The following NRCAM variants were observed in gnomAD, a reference collection of about 807,000 sequenced individuals.
The protein encoded by NRCAM is NgCAM-related cell adhesion molecule.
NRCAM carries 83 observed loss-of-function variants against 156.5 expected under a neutral mutation model. That is an observed-to-expected ratio of 0.53 (90% CI 0.44 to 0.64). The LOEUF is 0.64. Ranked by LOEUF, NRCAM falls within the 30% of genes least tolerant of loss-of-function variation. The pLI is 0.00. For missense variants in NRCAM, 1,417 were observed against 1,597.3 expected, an observed-to-expected ratio of 0.89 and a Z score of 1.92; for synonymous variants, 538 against 563.9, an observed-to-expected ratio of 0.95 and a Z score of 0.65.
chr7:108,239,909 TG>T, intron 4 of NRCAM, 49 bp downstream of exon 4: 2 of 1,115,254 alleles, frequency 1.8e-6, no homozygotes, highest in Non-Finnish European at 1.4e-6. Context: ...TGATAAATGC[TG>T]GGAGGCTTTG....
intron 1 of NRCAM, among the ~76,000 whole-genome samples, chr7:108,415,544 T>C (rs1479675556): frequency 6.6e-6 from 1 of 152,146 alleles, no homozygotes; most frequent in East Asian, 1.9e-4. Flanking sequence ...TAATAAATGC[T>C]TCTTGATTAA....
At chr7:108,197,433 G>T (rs1385318631) in intron 14 of NRCAM, among the ~76,000 whole-genome samples, 3 of 152,140 alleles carry the variant, frequency 2.0e-5, no homozygotes, top group South Asian at 4.1e-4. Context: ...TGGTAGTTTT[G>T]TCCAATATAA....
intron 28 of NRCAM, among the ~76,000 whole-genome samples, chr7:108,171,560 C>G (rs1194680425): frequency 6.6e-6 from 1 of 152,056 alleles, no homozygotes; most frequent in East Asian, 1.9e-4. Context: ...AAAAATAAAA[C>G]AAAAACTGGG....
rs2061626185 is a variant in NRCAM, at chr7:108,178,069, C to T, written c.2895G>A (p.Leu965=). Residue 965 remains leucine (L), a synonymous_variant, in exon 26 of 33, where the codon CTG becomes CTA. Coordinates refer to ENST00000379028, the MANE Select transcript of NRCAM (RefSeq NM_001037132.4). The part of the protein sequence containing the change: ...PSSLKIVNPT[L]DSLTLEWDPP... ...GATCCCATTCCAAAGTGAGAGAGTC[C>T]AGTGTTGGATTCACAATCTTCAAAG... is the stretch of plus-strand genomic sequence containing the variant. 6.2e-7 allele frequency: 1 copy of T among 1,613,498 alleles called. No homozygotes were observed. Among genetic ancestry groups the T allele is most frequent in the Non-Finnish European group, 8.5e-7 (1 of 1,179,626 alleles).
Position 108,209,548 on chromosome 7 carries a change from T to C in NRCAM, c.948A>G (p.Thr316=), listed in dbSNP as rs777765416. The C allele has an allele frequency of 2.5e-6, 4 of 1,612,688 alleles. No individual in the cohort carries two copies. The highest frequency in any genetic ancestry group is 2.7e-5 in the African/African-American group (2 of 75,014). The change falls in exon 12 of 33, where the codon ACA becomes ACG. Residue 316 remains threonine, a synonymous_variant. Transcript: ENST00000379028. The stretch of plus-strand genomic sequence containing the variant: ...AGGTTTTCTCAAAGTTCTTATAAAC[T>C]GTCCTGTTTTTGGGTAGCATTCCAT... The part of the protein sequence containing the change: ...KEDGMLPKNR[T]VYKNFEKTLQ...
At chr7:108,161,345 T>C (rs2048819379) in intron 30 of NRCAM, among the ~76,000 whole-genome samples, 1 of 152,228 alleles carries the variant, frequency 6.6e-6, no homozygotes, top group African/African-American at 2.4e-5. Context: ...TCAGTCATAA[T>C]ATGCAAAATT....
At chr7:108,402,957 G>A (rs1405994463) in intron 1 of NRCAM, among the ~76,000 whole-genome samples, 2 of 152,136 alleles carry the variant, frequency 1.3e-5, no homozygotes, top group African/African-American at 2.4e-5. Flanking sequence ...CCATACGAGA[G>A]AGCATGTGAA....
chr7:108,349,976 C>T (rs922692541), intron 2 of NRCAM, among the ~76,000 whole-genome samples: 2 of 152,208 alleles, frequency 1.3e-5, no homozygotes, highest in Non-Finnish European at 2.9e-5. Context: ...CATTCCCTAC[C>T]TTTCCTCACA....
At chr7:108,388,310 T>C (rs554455532) in intron 2 of NRCAM, among the ~76,000 whole-genome samples, 1 of 152,332 alleles carries the variant, frequency 6.6e-6, no homozygotes, top group Admixed American at 6.5e-5. Flanking sequence ...TGATGGCCAG[T>C]GATGATGAGC....
At chr7:108,435,693 T>C (rs532895250) in intron 1 of NRCAM, among the ~76,000 whole-genome samples, 1 of 152,278 alleles carries the variant, frequency 6.6e-6, no homozygotes, top group East Asian at 1.9e-4. Context: ...AACAAACCCC[T>C]GTGACACGAC....
At chr7:108,409,515 T>C (rs1198427693) in intron 1 of NRCAM, among the ~76,000 whole-genome samples, 1 of 152,190 alleles carries the variant, frequency 6.6e-6, no homozygotes. Context: ...CACTCTTCAA[T>C]TCCATTTTCA....
At chr7:108,401,737 A>C (rs988811914) in intron 1 of NRCAM, among the ~76,000 whole-genome samples, 1 of 152,144 alleles carries the variant, frequency 6.6e-6, no homozygotes. Flanking sequence ...ATGGACCTCG[A>C]ATTTTAGAAT....
Position 108,339,787 on chromosome 7 carries a change from A to G in NRCAM, c.-173-27056T>C, listed in dbSNP as rs2099254146. Among the ~76,000 whole-genome samples the G allele has an allele frequency of 2.0e-5, 3 of 151,928 alleles. 1 individual carries two copies. In the South Asian group the frequency reaches 6.3e-4, roughly 32 times the overall value. On this transcript the variant is annotated intron_variant, in intron 2 of 32. Transcript: ENST00000379028. Reference sequence around the variant, plus strand: ...AATGACTAGAGGTGCTGGCATCCCTATGTTCTTTTTTCAGATGGGAAATGT... The same window carrying G: ...AATGACTAGAGGTGCTGGCATCCCTGTGTTCTTTTTTCAGATGGGAAATGT...
At chr7:108,418,560 T>TACACACATACAC (rs1804776740) in intron 1 of NRCAM, among the ~76,000 whole-genome samples, 1 of 143,624 alleles carries the variant, frequency 7.0e-6, no homozygotes, top group Non-Finnish European at 1.5e-5. Context: ...ATACATATTA[T>TACACACATACAC]ACACACACAC....
At chr7:108,356,978 T>C (rs1329099756) in intron 2 of NRCAM, among the ~76,000 whole-genome samples, 1 of 152,180 alleles carries the variant, frequency 6.6e-6, no homozygotes, top group Admixed American at 6.5e-5. Flanking sequence ...ACACTTCTTT[T>C]CTCTGTATTC....
At chr7:108,278,406 T>C (rs2097725418) in intron 3 of NRCAM, among the ~76,000 whole-genome samples, 1 of 152,208 alleles carries the variant, frequency 6.6e-6, no homozygotes, top group Admixed American at 6.5e-5. Flanking sequence ...CAGTTTGAGC[T>C]TCCCTGCCAC....
chr7:108,402,178 T>C (rs989231371), intron 1 of NRCAM, among the ~76,000 whole-genome samples: 3 of 152,204 alleles, frequency 2.0e-5, no homozygotes, highest in African/African-American at 4.8e-5. Flanking sequence ...TCACAATTCA[T>C]GGGTAAACAA....
At chr7:108,420,792 C>G (rs967616383) in intron 1 of NRCAM, among the ~76,000 whole-genome samples, 1 of 152,214 alleles carries the variant, frequency 6.6e-6, no homozygotes, top group African/African-American at 2.4e-5. Context: ...GGCTCATGCC[C>G]TTACTTTTAC....
At chr7:108,445,913 G>C (rs925029211) in intron 1 of NRCAM, among the ~76,000 whole-genome samples, 1 of 152,164 alleles carries the variant, frequency 6.6e-6, no homozygotes, top group Admixed American at 6.5e-5. Flanking sequence ...CAGCATGAGA[G>C]CTTCTGATCT....
Sources: gnomAD v4.1 joint callset for allele counts (sites outside exome capture counted in the v4.1 genomes callset) on GRCh38, gnomAD v4.1.1 for gene constraint, MANE v1.5 for transcripts, NCBI Gene and HGNC (gene_info 2026-07-23, HGNC 2026-07-21) for gene names.